The following CCDC39 variants were observed in gnomAD, a reference collection of about 807,000 sequenced individuals.
CCDC39 encodes coiled-coil domain 39 molecular ruler complex subunit, also known as coiled-coil domain-containing protein 39.
CCDC39 carries 113 observed loss-of-function variants against 121.0 expected under a neutral mutation model. That is an observed-to-expected ratio of 0.93 (90% CI 0.80 to 1.09). The LOEUF (loss-of-function observed/expected upper bound fraction) is 1.09, where lower values mean the gene tolerates loss of function less well. Among genes scored for constraint, CCDC39 ranks in the 50% least tolerant of loss-of-function variants. The probability of loss-of-function intolerance (pLI) is 0.00; values close to 1 mark genes in which losing one functional copy is unlikely to be tolerated. For synonymous variants in CCDC39, 349 were observed against 352.2 expected (o/e 0.99, Z 0.10); for missense variants, 1,063 against 1,074.7 (o/e 0.99, Z 0.15).
intron 1 of CCDC39, among the ~76,000 whole-genome samples, chr3:180,678,895 C>G (rs1301729414): frequency 6.6e-6 from 1 of 152,042 alleles, no homozygotes; most frequent in Non-Finnish European, 1.5e-5. Context: ...AATTTATAAA[C>G]GTGCGCAAAT....
At chr3:180,641,847 A>G (rs749135231) in intron 13 of CCDC39, 146 bp downstream of exon 13, 42 of 476,228 alleles carry the variant, frequency 8.8e-5, no homozygotes, top group Admixed American at 7.8e-5. Context: ...ATTTATGGCT[A>G]TAACATGCCC....
intron 6 of CCDC39, among the ~76,000 whole-genome samples, chr3:180,655,398 C>T (rs1711556806): frequency 6.6e-6 from 1 of 151,012 alleles, no homozygotes; most frequent in Non-Finnish European, 1.5e-5. Context: ...TTTCACTGGT[C>T]GTAGAGACAA....
chr3:180,659,255 T>C (rs905672618), intron 6 of CCDC39, among the ~76,000 whole-genome samples, 197 bp downstream of exon 6: 1 of 152,240 alleles, frequency 6.6e-6, no homozygotes, highest in Admixed American at 6.5e-5. Flanking sequence ...TTTGGAGTTA[T>C]AATACTACAC....
intron 13 of CCDC39, among the ~76,000 whole-genome samples, chr3:180,636,685 A>C (rs977322526): frequency 2.0e-5 from 3 of 152,214 alleles, no homozygotes; most frequent in East Asian, 3.8e-4. Flanking sequence ...TTCGAAGTAC[A>C]CTACAGGGCT....
chr3:180,673,548 C>T (rs1362342802), intron 1 of CCDC39, among the ~76,000 whole-genome samples: 1 of 152,108 alleles, frequency 6.6e-6, no homozygotes, highest in Non-Finnish European at 1.5e-5. Flanking sequence ...TTATTGAACA[C>T]CTAATAGACT....
intron 6 of CCDC39, among the ~76,000 whole-genome samples, chr3:180,656,372 T>C (rs1287714821): frequency 1.3e-5 from 2 of 152,252 alleles, no homozygotes; most frequent in Admixed American, 1.3e-4. Context: ...AAAATATTTT[T>C]CCACTTCTAC....
chr3:180,673,449 T>G (rs949569467), intron 1 of CCDC39, among the ~76,000 whole-genome samples: 1 of 152,222 alleles, frequency 6.6e-6, no homozygotes, highest in African/African-American at 2.4e-5. Flanking sequence ...AGCAAAATGG[T>G]TACAACTCAC....
Position 180,652,286 on chromosome 3 carries a change from C to T in CCDC39, c.931-20G>A. On this transcript the variant is annotated intron_variant, in intron 7 of 19. Transcript: ENST00000476379. ...ATCCAGCTATTTATTAGTTAACAGACAGAAATTATATATTTACTCTGTATC... is the reference window on the plus strand; with the variant it reads ...ATCCAGCTATTTATTAGTTAACAGATAGAAATTATATATTTACTCTGTATC... 7.5e-7 allele frequency: 1 copy of T among 1,325,618 alleles called. No homozygotes were observed. The highest frequency in any genetic ancestry group is 1.0e-6 in the Non-Finnish European group (1 of 968,694). The allele number at this position is 1,325,618 out of a possible 1,614,324, so 82.1% of individuals were successfully genotyped here.
At chr3:180,616,746 A>G in intron 17 of CCDC39, 51 bp from the exon 18 acceptor site, 1 of 1,572,288 alleles carries the variant, frequency 6.4e-7, no homozygotes, top group Non-Finnish European at 8.7e-7. Context: ...ACCAGAATTT[A>G]ATATTTTTAA....
chr3:180,635,549 C>G (rs2108415462), intron 13 of CCDC39, among the ~76,000 whole-genome samples: 1 of 152,208 alleles, frequency 6.6e-6, no homozygotes, highest in African/African-American at 2.4e-5. Context: ...AGAAGTTGGC[C>G]AAAACAGAGG....
intron 14 of CCDC39, among the ~76,000 whole-genome samples, chr3:180,628,015 CAGGA>C (rs1252542475): frequency 6.6e-6 from 1 of 152,058 alleles, no homozygotes; most frequent in African/African-American, 2.4e-5. Context: ...TGAAGAGACA[CAGGA>C]AGGAACACCA....
At chr3:180,616,762 G>A (rs1717260304) in intron 17 of CCDC39, 64 bp downstream of exon 17, 2 of 1,580,468 alleles carry the variant, frequency 1.3e-6, no homozygotes, top group Non-Finnish European at 1.7e-6. Flanking sequence ...TTTAATAGAT[G>A]AAGGAGGATT....
chr3:180,659,896 T>A (rs1711700761), intron 4 of CCDC39, 127 bp from the exon 5 acceptor site: 2 of 543,492 alleles, frequency 3.7e-6, no homozygotes, highest in Non-Finnish European at 5.9e-6. Context: ...AACTGTGAAA[T>A]AATAAATATC....
In CCDC39 at chr3:180,616,279, A is replaced by G. The variant is rs1392482298; in HGVS notation, c.2669+2T>C. 1.2e-6 allele frequency: 2 copies of G among 1,612,992 alleles called. No individual in the cohort carries two copies. The highest frequency in any genetic ancestry group is 1.7e-6 in the Non-Finnish European group (2 of 1,179,216). ...CAGATTTTTTTTTAACCCTCCGCTT[A>G]CCTTGCTGATAGTGAAGTATGTGAA... is the stretch of plus-strand genomic sequence containing the variant. On this transcript the variant is annotated splice_donor_variant, in intron 19 of 19. Transcript: ENST00000476379. LOFTEE classifies it high-confidence loss of function.
At position 180,644,633 on chromosome 3, in the gene CCDC39, T is replaced by C. The variant is rs113109191; in HGVS notation, c.1528-376A>G. Among the ~76,000 whole-genome samples, 919 of 152,188 alleles carry C rather than the reference T, an allele frequency of 6.0e-3. 16 individuals are homozygous for C. The highest frequency in any genetic ancestry group is 0.02 in the African/African-American group (833 of 41,514). ...TTCAAGTCCCTTATATAAAATGGCA[T>C]AGTATTTGCATATAATCTACACACA... On this transcript the variant is annotated intron_variant, in intron 11 of 19. Transcript: ENST00000476379.
intron 1 of CCDC39, among the ~76,000 whole-genome samples, chr3:180,667,287 C>T (rs2108432607): frequency 6.6e-6 from 1 of 152,244 alleles, no homozygotes; most frequent in East Asian, 1.9e-4. Context: ...AGAAACTATT[C>T]TATCAAAATA....
At chr3:180,660,237 T>C (rs1711708682) in intron 4 of CCDC39, among the ~76,000 whole-genome samples, 1 of 152,108 alleles carries the variant, frequency 6.6e-6, no homozygotes, top group African/African-American at 2.4e-5. Flanking sequence ...AGCTAAAATA[T>C]ATTAAAATAG....
At chr3:180,659,420 T>A (rs1471025572) in intron 6 of CCDC39, 32 bp downstream of exon 6, 1 of 1,607,454 alleles carries the variant, frequency 6.2e-7, no homozygotes, top group African/African-American at 1.3e-5. Context: ...CAAATGCAGC[T>A]GAACATTACA....
At chr3:180,615,233 T>C (rs1307210375) in intron 19 of CCDC39, among the ~76,000 whole-genome samples, 156 bp from the exon 20 acceptor site, 1 of 152,148 alleles carries the variant, frequency 6.6e-6, no homozygotes, top group Non-Finnish European at 1.5e-5. Context: ...TCAATAGATA[T>C]CAAACAATTT....
Sources: allele counts gnomAD v4.1 joint callset (sites outside exome capture counted in the v4.1 genomes callset), GRCh38; gene constraint gnomAD v4.1.1; transcripts MANE v1.5; gene names NCBI Gene and HGNC (gene_info 2026-07-23, HGNC 2026-07-21).